The following ABHD3 variants were observed in gnomAD, a reference collection of about 807,000 sequenced individuals.
The protein encoded by ABHD3 is phospholipase ABHD3.
ABHD3 carries 46 observed loss-of-function variants against 48.8 expected under a neutral mutation model. That is an observed-to-expected ratio of 0.94 (90% confidence interval 0.74 to 1.20). The LOEUF is 1.20. ABHD3 is among the 50% of genes most tolerant of loss of function. The pLI is 0.00. For synonymous variants in ABHD3, 192 were observed against 183.7 expected (o/e 1.04, Z -0.36); for missense variants, 490 against 497.8 (o/e 0.98, Z 0.15).
chr18:21,684,022 T>C, intron 3 of ABHD3, 57 bp from the exon 4 acceptor site: 1 of 1,492,298 alleles, frequency 6.7e-7, no homozygotes, highest in African/African-American at 1.4e-5. Context: ...GCTCATGATA[T>C]AATATTAAAG....
At chr18:21,679,185 G>C (rs1432601898) in intron 4 of ABHD3, among the ~76,000 whole-genome samples, 1 of 152,074 alleles carries the variant, frequency 6.6e-6, no homozygotes. Context: ...ATTATTTCTG[G>C]AACAAGGTGA....
At chr18:21,666,368 AT>A (rs1352652441) in intron 4 of ABHD3, among the ~76,000 whole-genome samples, 6 of 152,014 alleles carry the variant, frequency 3.9e-5, no homozygotes, top group Non-Finnish European at 1.5e-5. Context: ...TAATTTTTGT[AT>A]TTTTAGTAGA....
chr18:21,663,826 C>T (rs570206001), intron 5 of ABHD3: 417 of 1,526,494 alleles, frequency 2.7e-4, no homozygotes, highest in Non-Finnish European at 3.4e-4. Context: ...ATCAGAAGGT[C>T]AACATGGCAG....
rs1185257584 is a variant in ABHD3, at chr18:21,671,620, CCTT to C, written c.556-7393_556-7391del. 2.0e-5 allele frequency among the ~76,000 whole-genome samples: 3 copies of C among 152,000 alleles called. No individual in the cohort carries two copies. In the East Asian group the frequency reaches 5.8e-4, roughly 29 times the overall value. ...GAGGATTCTGCTGGGTGGTGAAACT[CCTT>C]CTGGGTGGGATGAGGATGGGAAAAA... On this transcript the variant is annotated intron_variant, in intron 4 of 8. Coordinates refer to ENST00000289119, the MANE Select transcript of ABHD3 (RefSeq NM_138340.5).
At chr18:21,672,626 A>G (rs2039781215) in intron 4 of ABHD3, among the ~76,000 whole-genome samples, 1 of 152,242 alleles carries the variant, frequency 6.6e-6, no homozygotes, top group African/African-American at 2.4e-5. Flanking sequence ...CTTTTAAAAT[A>G]GGACTAATTA....
chr18:21,663,796 T>A (rs2146289967), intron 5 of ABHD3: 1 of 1,533,646 alleles, frequency 6.5e-7, no homozygotes, highest in Non-Finnish European at 8.7e-7. Context: ...GCTCCAGGGA[T>A]GGCTGGGAGT....
In ABHD3 at chr18:21,662,694, C is replaced by T. The variant is rs1479082457; in HGVS notation, c.668+1424G>A. ...CCCAAGTGGTAAGCCCACTTGGGAT[C>T]GTGTCACAGTGCTAGGCAACTAGAA... On this transcript the variant is annotated intron_variant, in intron 5 of 8. Coordinates refer to ENST00000289119, the MANE Select transcript of ABHD3 (RefSeq NM_138340.5). Among the ~76,000 whole-genome samples the T allele has an allele frequency of 2.0e-5, 3 of 152,284 alleles. No homozygotes were observed. In the East Asian group the frequency reaches 5.8e-4, roughly 29 times the overall value.
At chr18:21,662,574 C>T (rs1273723279) in intron 5 of ABHD3, among the ~76,000 whole-genome samples, 2 of 152,158 alleles carry the variant, frequency 1.3e-5, no homozygotes, top group Non-Finnish European at 1.5e-5. Flanking sequence ...GGGATTACCC[C>T]AGTCCATGGG....
intron 4 of ABHD3, among the ~76,000 whole-genome samples, chr18:21,666,805 G>C (rs2039642176): frequency 6.6e-6 from 1 of 152,098 alleles, no homozygotes; most frequent in South Asian, 2.1e-4. Flanking sequence ...TAGCAGAAAA[G>C]CATCACGGAT....
At chr18:21,697,884 G>A (rs995161848) in intron 3 of ABHD3, among the ~76,000 whole-genome samples, 2 of 152,072 alleles carry the variant, frequency 1.3e-5, no homozygotes, top group Non-Finnish European at 1.5e-5. Context: ...TTGACCATAC[G>A]CTGGGAGTTA....
At chr18:21,660,952 G>T (rs1304924866) in intron 5 of ABHD3, among the ~76,000 whole-genome samples, 1 of 151,924 alleles carries the variant, frequency 6.6e-6, no homozygotes, top group Admixed American at 6.6e-5. Context: ...GGACTAGGAA[G>T]ATTCAGAAGT....
chr18:21,677,898 T>C lies in ABHD3; in HGVS notation c.555+6022A>G, dbSNP rs964947920. Among the ~76,000 whole-genome samples, 13 of 151,988 alleles carry C rather than the reference T, an allele frequency of 8.6e-5. No individual in the cohort carries two copies. The East Asian group carries it at 2.3e-3, about 27-fold the overall frequency. The stretch of plus-strand genomic sequence containing the variant: ...CAGGGTTTCACCATGTTAGCCAGCA[T>C]GTGATTCACCCGCCTCAGCCTCCCA... On this transcript the variant is annotated intron_variant, in intron 4 of 8. Coordinates refer to ENST00000289119, the MANE Select transcript of ABHD3 (RefSeq NM_138340.5).
chr18:21,695,806 GCTC>G (rs1372039103), intron 3 of ABHD3, among the ~76,000 whole-genome samples: 1 of 152,046 alleles, frequency 6.6e-6, no homozygotes, highest in African/African-American at 2.4e-5. Flanking sequence ...AGCCAATCTT[GCTC>G]CTTTCTGATG....
Position 21,653,627 on chromosome 18 carries a change from T to C in ABHD3, c.1058-1864A>G, listed in dbSNP as rs572921051. Among the ~76,000 whole-genome samples, 14 of 151,832 alleles carry C rather than the reference T, an allele frequency of 9.2e-5. No homozygotes were observed. In the East Asian group the frequency reaches 2.1e-3, roughly 23 times the overall value. ...TAAGATAACATGGTTGAGGCCAGTG[T>C]GGTAGCTCATGCTTGTAATCTCAGC... On this transcript the variant is annotated intron_variant, in intron 8 of 8. Transcript: ENST00000289119.
chr18:21,654,881 C>T (rs920203703), intron 8 of ABHD3: 1 of 152,144 alleles, frequency 6.6e-6, no homozygotes, highest in African/African-American at 2.4e-5. Flanking sequence ...AAACTTCACC[C>T]AAGTGGGTAA....
chr18:21,698,248 C>T (rs1373342103), intron 3 of ABHD3, among the ~76,000 whole-genome samples: 2 of 151,292 alleles, frequency 1.3e-5, no homozygotes, highest in African/African-American at 2.4e-5. Context: ...TGCAATGGTG[C>T]GATCTCAGCT....
intron 6 of ABHD3, 41 bp from the exon 7 acceptor site, chr18:21,657,193 C>T: frequency 6.4e-7 from 1 of 1,555,176 alleles, no homozygotes. Context: ...CAAGATCATT[C>T]CTACTCCATC....
In ABHD3 at chr18:21,663,700, G is replaced by C. The variant is rs935569369; in HGVS notation, c.668+418C>G. The C allele has an allele frequency of 3.9e-6, 6 of 1,535,270 alleles. No homozygotes were observed. The Admixed American group carries it at 9.8e-5, about 25-fold the overall frequency. ...CACCTGGGGAAAAATAATTTTGAAG[G>C]CCACTGCAGCTGGAGAGAGCAATAA... On this transcript the variant is annotated intron_variant, in intron 5 of 8. Coordinates refer to ENST00000289119, the MANE Select transcript of ABHD3 (RefSeq NM_138340.5).
At chr18:21,664,390 G>A (rs1488567566) in intron 4 of ABHD3, 160 bp from the exon 5 acceptor site, 2 of 661,664 alleles carry the variant, frequency 3.0e-6, no homozygotes, top group African/African-American at 3.7e-5. Flanking sequence ...CTGTCTTGCA[G>A]CGCACATACA....
Sources: allele counts gnomAD v4.1 joint callset (sites outside exome capture counted in the v4.1 genomes callset), GRCh38; gene constraint gnomAD v4.1.1; transcripts MANE v1.5; gene names NCBI Gene and HGNC (gene_info 2026-07-23, HGNC 2026-07-21).